NALCN: variants seen among roughly 807,000 people sequenced by gnomAD.
NALCN encodes sodium leak channel, non-selective, also known as sodium leak channel NALCN.
Under a neutral mutation model 225.3 loss-of-function variants are expected in NALCN, and 111 were observed. That is an observed-to-expected ratio of 0.49 (90% CI 0.42 to 0.58). NALCN has a LOEUF of 0.58. Among genes scored for constraint, NALCN ranks in the 20% least tolerant of loss-of-function variants. The probability of loss-of-function intolerance (pLI) is 0.00; values close to 1 mark genes in which losing one functional copy is unlikely to be tolerated. For missense variants in NALCN, 1,378 were observed against 2,202.4 expected, an observed-to-expected ratio of 0.63 and a Z score of 7.49; for synonymous variants, 764 against 769.0, an observed-to-expected ratio of 0.99 and a Z score of 0.11.
intron 7 of NALCN, among the ~76,000 whole-genome samples, chr13:101,325,319 T>G (rs72654853): frequency 0.045 from 6,792 of 152,288 alleles, 209 homozygotes; most frequent in Middle Eastern, 0.078. Flanking sequence ...TTATTAAGTT[T>G]GTTGGCCTAG....
chr13:101,160,458 G>GT (rs1165754092), intron 15 of NALCN, among the ~76,000 whole-genome samples: 1 of 152,092 alleles, frequency 6.6e-6, no homozygotes, highest in East Asian at 1.9e-4. Flanking sequence ...TACTCCCTCA[G>GT]GACCCTACAA....
Position 101,284,032 on chromosome 13 carries a change from G to A in NALCN, c.1048-13C>T. ...CTTCATGAAACATCTTCAAGACAAAGAAGGGAGATGAGTCAGAGACATTTA... is the reference window on the plus strand; with the variant it reads ...CTTCATGAAACATCTTCAAGACAAAAAAGGGAGATGAGTCAGAGACATTTA... On this transcript the variant is annotated splice_polypyrimidine_tract_variant and intron_variant, in intron 9 of 43. Coordinates refer to ENST00000251127, the MANE Select transcript of NALCN (RefSeq NM_052867.4). 6.2e-7 allele frequency: 1 copy of A among 1,610,262 alleles called. No homozygotes were observed. The highest frequency in any genetic ancestry group is 8.5e-7 in the Non-Finnish European group (1 of 1,177,548).
At chr13:101,060,075 G>T in intron 41 of NALCN, 108 bp from the exon 42 acceptor site, 1 of 1,220,736 alleles carries the variant, frequency 8.2e-7, no homozygotes, top group Non-Finnish European at 1.1e-6. Flanking sequence ...CTGCATGACG[G>T]GTGACCTCTT....
chr13:101,245,003 G>A (rs1468521317), intron 11 of NALCN, among the ~76,000 whole-genome samples: 2 of 130,496 alleles, frequency 1.5e-5, no homozygotes, highest in Non-Finnish European at 3.5e-5. Flanking sequence ...TGCCTGGAGG[G>A]CTCCCACCAA....
rs1273774976 is a variant in NALCN, at chr13:101,103,330, T to C, written c.2899A>G (p.Ile967Val). The C allele has an allele frequency of 1.9e-6, 3 of 1,610,948 alleles. No homozygotes were observed. The highest frequency in any genetic ancestry group is 4.5e-5 in the East Asian group (2 of 44,828). The change falls in exon 26 of 44, where the codon ATA becomes GTA. Residue 967 changes from isoleucine to valine, a missense_variant. By Grantham distance (29) the Ile-to-Val change is conservative. Coordinates refer to ENST00000251127, the MANE Select transcript of NALCN (RefSeq NM_052867.4). ...TTTTGAGGCATCCAACAAAGAAATA[T>C]CAAGCTCACCTAAAGGGGAACAAAT... ...MDIFIYLVSL[I>V]FLCWMPQNVP... is the part of the protein sequence containing the mutation.
intron 7 of NALCN, among the ~76,000 whole-genome samples, chr13:101,296,857 C>A (rs1162377433): frequency 6.6e-6 from 1 of 152,176 alleles, no homozygotes; most frequent in Non-Finnish European, 1.5e-5. Flanking sequence ...TCTTTCTGAC[C>A]TCTTCCACTG....
chr13:101,091,495 C>A (rs1255730661), intron 28 of NALCN, among the ~76,000 whole-genome samples: 3 of 152,102 alleles, frequency 2.0e-5, no homozygotes, highest in Non-Finnish European at 4.4e-5. Context: ...GGGCTTAGGG[C>A]TGATTAGTGG....
intron 3 of NALCN, among the ~76,000 whole-genome samples, chr13:101,384,186 C>T (rs1686486352): frequency 6.6e-6 from 1 of 152,046 alleles, no homozygotes; most frequent in Non-Finnish European, 1.5e-5. Flanking sequence ...CAACCAGAAG[C>T]TAACACATAT....
At chr13:101,096,234 G>A (rs1004413567) in intron 27 of NALCN, among the ~76,000 whole-genome samples, 6 of 152,162 alleles carry the variant, frequency 3.9e-5, no homozygotes, top group African/African-American at 1.2e-4. Flanking sequence ...CTACCCAAGA[G>A]AGATGAAAAT....
In NALCN at chr13:101,107,522, G is replaced by A; in HGVS notation, c.2544C>T (p.Asn848=). The change falls in exon 22 of 44, where the codon AAC becomes AAT. Residue 848 remains asparagine, a synonymous_variant. Transcript: ENST00000251127. ...GTGCTCGGACCACCACCCGGCAAAA[G>A]TTTCTGAACCTGTGTTCTCGCCCGA... The part of the protein sequence containing the change: ...FIVGREHRFR[N]FCRVVVRARF... 1 of 1,614,154 alleles carries A rather than the reference G, an allele frequency of 6.2e-7. No homozygotes were observed. The highest frequency in any genetic ancestry group is 8.5e-7 in the Non-Finnish European group (1 of 1,179,992).
chr13:101,225,761 A>C (rs1057332491), intron 13 of NALCN, among the ~76,000 whole-genome samples: 11 of 152,206 alleles, frequency 7.2e-5, no homozygotes, highest in Admixed American at 6.5e-4. Flanking sequence ...ACGTGAAAGG[A>C]ATACCAAAAC....
chr13:101,350,073 C>T (rs936146701), intron 6 of NALCN, among the ~76,000 whole-genome samples: 1 of 152,148 alleles, frequency 6.6e-6, no homozygotes, highest in East Asian at 1.9e-4. Flanking sequence ...CCTCTCTACA[C>T]ACACTCTTAT....
intron 15 of NALCN, among the ~76,000 whole-genome samples, chr13:101,164,344 T>G (rs1423670555): frequency 6.6e-6 from 1 of 152,188 alleles, no homozygotes; most frequent in Non-Finnish European, 1.5e-5. Context: ...CAGGCTAGAA[T>G]GCAGTGGCAC....
At chr13:101,361,851 G>A (rs2046260591) in intron 6 of NALCN, among the ~76,000 whole-genome samples, 1 of 152,004 alleles carries the variant, frequency 6.6e-6, no homozygotes, top group South Asian at 2.1e-4. Flanking sequence ...ATCAAAATAA[G>A]TTACATTTCT....
At chr13:101,123,676 A>T (rs988221710) in intron 18 of NALCN, among the ~76,000 whole-genome samples, 14 of 152,202 alleles carry the variant, frequency 9.2e-5, no homozygotes, top group African/African-American at 3.1e-4. Context: ...TGAGAGAAAT[A>T]CTGTCTTGAT....
chr13:101,241,041 T>A (rs1268988106), intron 11 of NALCN, among the ~76,000 whole-genome samples: 4 of 152,208 alleles, frequency 2.6e-5, no homozygotes, highest in Non-Finnish European at 5.9e-5. Flanking sequence ...ATCTTTTGTA[T>A]GAAAATTTCT....
intron 10 of NALCN, among the ~76,000 whole-genome samples, chr13:101,262,480 G>A (rs1357867962): frequency 6.6e-6 from 1 of 152,144 alleles, no homozygotes; most frequent in East Asian, 1.9e-4. Context: ...ACACCACTGA[G>A]CCACATCTGC....
At chr13:101,397,089 T>C (rs867707741) in intron 2 of NALCN, among the ~76,000 whole-genome samples, 3 of 61,758 alleles carry the variant, frequency 4.9e-5, no homozygotes, top group East Asian at 1.2e-3. Flanking sequence ...TATATATATA[T>C]ATATATATAT....
chr13:101,314,020 A>T (rs1374061289), intron 7 of NALCN, among the ~76,000 whole-genome samples: 2 of 152,032 alleles, frequency 1.3e-5, no homozygotes, highest in East Asian at 1.9e-4. Flanking sequence ...AGGGACATGG[A>T]TGAAGCTGGA....
Sources: allele counts gnomAD v4.1 joint callset (sites outside exome capture counted in the v4.1 genomes callset), GRCh38; gene constraint gnomAD v4.1.1; transcripts MANE v1.5; gene names NCBI Gene and HGNC (gene_info 2026-07-23, HGNC 2026-07-21).